Variants in MAPK4 observed in about 807,000 individuals in gnomAD.
MAPK4 encodes the protein Erk3-related.
A neutral mutation model predicts 47.7 loss-of-function variants in MAPK4; 22 were observed. The observed-to-expected ratio is 0.46, with a 90% CI of 0.33 to 0.66. The LOEUF is 0.66. Ranked by LOEUF, MAPK4 falls within the 30% of genes least tolerant of loss-of-function variation. MAPK4 has a pLI of 0.02. For missense variants in MAPK4, 736 were observed against 831.7 expected (o/e 0.88, Z 1.42); for synonymous variants, 390 against 365.7 (o/e 1.07, Z -0.76).
chr18:50,583,241 A>C (rs939337072), intron 1 of MAPK4, among the ~76,000 whole-genome samples: 1 of 152,192 alleles, frequency 6.6e-6, no homozygotes, highest in African/African-American at 2.4e-5. Flanking sequence ...TTATTGGTCC[A>C]TGGGTGGTCT....
In MAPK4 at chr18:50,697,362, G is replaced by A. The variant is rs116628915; in HGVS notation, c.547-17717G>A. On this transcript the variant is annotated intron_variant, in intron 2 of 5. Coordinates refer to ENST00000400384, the MANE Select transcript of MAPK4 (RefSeq NM_002747.4). ...GCTTCTCTGCTTGGTTCACTGCTCT[G>A]TCCCAGCACCCAGAAAAGTACCTGG... Among the ~76,000 whole-genome samples the A allele has an allele frequency of 5.2e-3, 788 of 152,288 alleles. 5 individuals carry two copies. Among genetic ancestry groups the A allele is most frequent in the African/African-American group, 0.017 (727 of 41,562 alleles).
At chr18:50,692,390 A>C (rs1243846671) in intron 2 of MAPK4, among the ~76,000 whole-genome samples, 1 of 152,160 alleles carries the variant, frequency 6.6e-6, no homozygotes, top group Admixed American at 6.5e-5. Context: ...GACATTCAGG[A>C]TCAAGCAGGG....
At chr18:50,630,235 C>T (rs1231155794) in intron 1 of MAPK4, among the ~76,000 whole-genome samples, 1 of 152,226 alleles carries the variant, frequency 6.6e-6, no homozygotes, top group East Asian at 1.9e-4. Flanking sequence ...GTCACCCAGG[C>T]TGGAGTGCAG....
At position 50,722,413 on chromosome 18, in the gene MAPK4, G is replaced by C. The variant is rs193264329; in HGVS notation, c.853+314G>C. ...CTCACATTTTTGTCCTGGAAGGCTT[G>C]GTGTGCTGCAAAGAACAGGAGCTTC... On this transcript the variant is annotated intron_variant, in intron 4 of 5. Transcript: ENST00000400384. Among the ~76,000 whole-genome samples, 204 of 152,302 alleles carry C rather than the reference G, an allele frequency of 1.3e-3. 1 individual carries two copies. Among genetic ancestry groups the C allele is most frequent in the Middle Eastern group, 0.01 (3 of 294 alleles).
At chr18:50,640,401 T>A (rs1415405251) in intron 1 of MAPK4, among the ~76,000 whole-genome samples, 3 of 144,012 alleles carry the variant, frequency 2.1e-5, no homozygotes, top group East Asian at 4.2e-4. Flanking sequence ...AAAAAAAAAA[T>A]TATATGGATG....
chr18:50,674,519 T>A (rs1908150282), intron 2 of MAPK4, among the ~76,000 whole-genome samples: 1 of 152,094 alleles, frequency 6.6e-6, no homozygotes, highest in Non-Finnish European at 1.5e-5. Flanking sequence ...GCCACTCCAC[T>A]CCCTCGTGTT....
intron 1 of MAPK4, among the ~76,000 whole-genome samples, chr18:50,656,683 G>A (rs943916109): frequency 3.9e-5 from 6 of 152,148 alleles, no homozygotes; most frequent in Admixed American, 1.3e-4. Context: ...TGACTGATGG[G>A]ACTCACCCTG....
At chr18:50,709,212 C>T (rs1297429460) in intron 2 of MAPK4, among the ~76,000 whole-genome samples, 3 of 152,172 alleles carry the variant, frequency 2.0e-5, no homozygotes, top group African/African-American at 4.8e-5. Context: ...GGAACCCAGT[C>T]CCCTGAAAGA....
At chr18:50,585,539 T>G (rs953717119) in intron 1 of MAPK4, among the ~76,000 whole-genome samples, 10 of 152,104 alleles carry the variant, frequency 6.6e-5, no homozygotes, top group Non-Finnish European at 1.5e-5. Context: ...CACCTGCAAG[T>G]CCCCCATAAT....
intron 1 of MAPK4, among the ~76,000 whole-genome samples, chr18:50,626,571 C>T (rs567564612): frequency 7.9e-5 from 12 of 152,158 alleles, no homozygotes; most frequent in East Asian, 1.9e-4. Context: ...CCACTTGCTC[C>T]GACACTGTCC....
At chr18:50,601,051 G>T (rs916067997) in intron 1 of MAPK4, among the ~76,000 whole-genome samples, 3 of 150,254 alleles carry the variant, frequency 2.0e-5, no homozygotes, top group Admixed American at 6.6e-5. Flanking sequence ...TGAGCCCAGG[G>T]ATTTGCAACC....
At chr18:50,704,409 A>G in intron 2 of MAPK4, 1 of 396,378 alleles carries the variant, frequency 2.5e-6, no homozygotes, top group Non-Finnish European at 4.4e-6. Flanking sequence ...CTTGGGAGGC[A>G]GGAGGATCAC....
intron 1 of MAPK4, among the ~76,000 whole-genome samples, chr18:50,644,335 G>C (rs1285657732): frequency 6.6e-6 from 1 of 152,084 alleles, no homozygotes; most frequent in Non-Finnish European, 1.5e-5. Flanking sequence ...CACCAGATTG[G>C]AACCACTGAG....
At chr18:50,691,941 C>A (rs1010297994) in intron 2 of MAPK4, among the ~76,000 whole-genome samples, 1 of 152,138 alleles carries the variant, frequency 6.6e-6, no homozygotes, top group African/African-American at 2.4e-5. Flanking sequence ...TTGGTTACCC[C>A]CATCTCCTTT....
At chr18:50,650,991 A>G (rs902124440) in intron 1 of MAPK4, among the ~76,000 whole-genome samples, 1 of 152,130 alleles carries the variant, frequency 6.6e-6, no homozygotes, top group African/African-American at 2.4e-5. Context: ...GCCTGCTCCA[A>G]AAACAGGAGT....
At chr18:50,695,270 C>T (rs140965729) in intron 2 of MAPK4, among the ~76,000 whole-genome samples, 7 of 149,752 alleles carry the variant, frequency 4.7e-5, no homozygotes, top group African/African-American at 7.4e-5. Context: ...CGTTTGAACC[C>T]GGGAGGCGGA....
At chr18:50,728,880 T>C (rs1245198819) in intron 5 of MAPK4, among the ~76,000 whole-genome samples, 2 of 152,246 alleles carry the variant, frequency 1.3e-5, no homozygotes, top group African/African-American at 2.4e-5. Context: ...CTGTATTCAG[T>C]AATGTCTGGA....
At chr18:50,574,220 T>C (rs972821095) in intron 1 of MAPK4, among the ~76,000 whole-genome samples, 1 of 152,240 alleles carries the variant, frequency 6.6e-6, no homozygotes, top group Non-Finnish European at 1.5e-5. Flanking sequence ...TCTCTTTTTG[T>C]AGCCTTACTG....
intron 1 of MAPK4, among the ~76,000 whole-genome samples, chr18:50,585,247 G>A (rs961450363): frequency 1.3e-5 from 2 of 152,188 alleles, no homozygotes; most frequent in African/African-American, 2.4e-5. Flanking sequence ...TGGTTCTAAT[G>A]TGCAGTTTGG....
Sources: gnomAD v4.1 joint callset for allele counts (sites outside exome capture counted in the v4.1 genomes callset) on GRCh38, gnomAD v4.1.1 for gene constraint, MANE v1.5 for transcripts, NCBI Gene and HGNC (gene_info 2026-07-23, HGNC 2026-07-21) for gene names.